BCAS3: variants seen among roughly 807,000 people sequenced by gnomAD.
BCAS3 encodes BCAS3 microtubule associated cell migration factor, also known as BCAS4/BCAS3 fusion.
In BCAS3, 53 loss-of-function variants were observed where a neutral mutation model predicts 116.1. The observed-to-expected ratio is 0.46, with a 90% CI of 0.37 to 0.57. BCAS3 has a LOEUF of 0.57. BCAS3 is among the 20% of genes least tolerant of loss of function. The pLI, the probability that BCAS3 is intolerant of heterozygous loss-of-function variation, is 0.00. For synonymous variants in BCAS3, 391 were observed against 408.2 expected (o/e 0.96, Z 0.51); for missense variants, 917 against 1,165.4 (o/e 0.79, Z 3.10).
intron 19 of BCAS3, among the ~76,000 whole-genome samples, chr17:61,057,704 C>T (rs1348094504): frequency 2.0e-5 from 3 of 151,016 alleles, no homozygotes; most frequent in Non-Finnish European, 4.4e-5. Context: ...TATGTAGCAA[C>T]AGGATTTTCT....
In BCAS3 at chr17:61,196,401, A is replaced by G. The variant is rs552431868; in HGVS notation, c.2425+111837A>G. Among the ~76,000 whole-genome samples the G allele has an allele frequency of 1.3e-5, 2 of 152,368 alleles. No homozygotes were observed. Among genetic ancestry groups the G allele is most frequent in the Non-Finnish European group, 2.9e-5 (2 of 68,032 alleles). On this transcript the variant is annotated intron_variant, in intron 22 of 23. Coordinates refer to ENST00000407086, the MANE Select transcript of BCAS3 (RefSeq NM_017679.5). This position sits in a 1 kb window ranked among gnomAD's most constrained non-coding sequence, Gnocchi z 4.7. ...GGGTCATTTCCAGTCTGTGGCCGCT[A>G]AAAATGAAAACCATGCCCCAGCCGG...
intron 5 of BCAS3, among the ~76,000 whole-genome samples, chr17:60,714,917 G>A (rs1262757689): frequency 6.6e-6 from 1 of 152,036 alleles, no homozygotes; most frequent in African/African-American, 2.4e-5. Context: ...ATGTAACATA[G>A]AATGATTGTT....
At chr17:61,331,570 A>G (rs757832394) in intron 22 of BCAS3, among the ~76,000 whole-genome samples, 2 of 152,134 alleles carry the variant, frequency 1.3e-5, no homozygotes, top group Non-Finnish European at 2.9e-5. Flanking sequence ...AAGTGGGAGG[A>G]TCACTTGAGC....
In BCAS3 at chr17:61,217,724, AC is replaced by A. The variant is rs1231412781; in HGVS notation, c.2425+133161del. Among the ~76,000 whole-genome samples the A allele has an allele frequency of 1.3e-5, 2 of 152,182 alleles. No individual in the cohort carries two copies. On this transcript the variant is annotated intron_variant, in intron 22 of 23. Coordinates refer to ENST00000407086, the MANE Select transcript of BCAS3 (RefSeq NM_017679.5). The surrounding 1 kb of genome is among the most constrained non-coding windows in gnomAD (Gnocchi z 5.2). ...TCTGACTAGTTGATTTTCTTGAGAA[AC>A]ATTATTCTTGATCCCGTAACATCCC...
chr17:60,764,337 C>T (rs1023853979), intron 6 of BCAS3, among the ~76,000 whole-genome samples: 1 of 152,152 alleles, frequency 6.6e-6, no homozygotes, highest in African/African-American at 2.4e-5. Context: ...GCATTTAGTG[C>T]TATAAATTTT....
At chr17:60,732,992 G>T (rs532679035) in intron 5 of BCAS3, among the ~76,000 whole-genome samples, 1 of 152,192 alleles carries the variant, frequency 6.6e-6, no homozygotes, top group East Asian at 1.9e-4. Context: ...TAACATTAAG[G>T]TAGAATAGTG....
chr17:61,339,226 C>T lies in BCAS3; in HGVS notation c.2426-29101C>T, dbSNP rs2056964087. On this transcript the variant is annotated intron_variant, in intron 22 of 23. Transcript: ENST00000407086. This position sits in a 1 kb window ranked among gnomAD's most constrained non-coding sequence, Gnocchi z 4.4. The stretch of plus-strand genomic sequence containing the variant: ...CTGACAGTGGCAGGCGCCACTTGCC[C>T]TTGGTCGGTTTTACTCCCTGCCCCT... 6.6e-6 allele frequency among the ~76,000 whole-genome samples: 1 copy of T among 152,174 alleles called. No individual in the cohort carries two copies. Among genetic ancestry groups the T allele is most frequent in the African/African-American group, 2.4e-5 (1 of 41,436 alleles).
chr17:60,684,164 T>G, intron 3 of BCAS3, 128 bp downstream of exon 3: 1 of 782,774 alleles, frequency 1.3e-6, no homozygotes, highest in Non-Finnish European at 2.1e-6. Context: ...TCCTGAGCAT[T>G]CGTAGGGTGG....
chr17:61,329,337 A>ATTTT (rs199782162), intron 22 of BCAS3, among the ~76,000 whole-genome samples: 35 of 106,210 alleles, frequency 3.3e-4, no homozygotes, highest in Non-Finnish European at 5.9e-4. Flanking sequence ...TATTATTATT[A>ATTTT]TTATTATTTT....
At chr17:61,230,959 CTTTTTTTTT>C (rs763299746) in intron 22 of BCAS3, among the ~76,000 whole-genome samples, 17 of 121,854 alleles carry the variant, frequency 1.4e-4, no homozygotes, top group Admixed American at 6.8e-4. Flanking sequence ...TAGTTTTTGC[CTTTTTTTTT>C]TTTTTTTTTT....
intron 22 of BCAS3, among the ~76,000 whole-genome samples, chr17:61,253,919 G>A (rs957905048): frequency 6.6e-6 from 1 of 152,044 alleles, no homozygotes; most frequent in African/African-American, 2.4e-5. Context: ...AGCCTTACTT[G>A]GTAATTGAGT....
chr17:60,859,582 T>TA (rs2053982008), intron 7 of BCAS3, among the ~76,000 whole-genome samples: 2 of 151,900 alleles, frequency 1.3e-5, no homozygotes, highest in Non-Finnish European at 2.9e-5. Context: ...ATTTTTTTTT[T>TA]TTTGAGATGG....
At chr17:61,303,174 T>A (rs989424464) in intron 22 of BCAS3, among the ~76,000 whole-genome samples, 1 of 152,224 alleles carries the variant, frequency 6.6e-6, no homozygotes, top group Non-Finnish European at 1.5e-5. Flanking sequence ...AATATTAGCA[T>A]GTCATCTCAT....
intron 22 of BCAS3, among the ~76,000 whole-genome samples, chr17:61,260,488 G>A (rs2049107801): frequency 6.6e-6 from 1 of 152,206 alleles, no homozygotes; most frequent in South Asian, 2.1e-4. Flanking sequence ...CCCTGCCACT[G>A]TTGTTTTCCT....
chr17:60,925,033 A>G (rs1344133385), intron 13 of BCAS3, among the ~76,000 whole-genome samples: 1 of 151,886 alleles, frequency 6.6e-6, no homozygotes, highest in African/African-American at 2.4e-5. Context: ...TATCCAGAGT[A>G]GTTGTCTTAT....
chr17:61,185,461 TG>T (rs965346696), intron 22 of BCAS3, among the ~76,000 whole-genome samples: 6 of 152,176 alleles, frequency 3.9e-5, no homozygotes, highest in Admixed American at 6.5e-5. Context: ...TCTACTATAT[TG>T]TCTTCCATGA....
chr17:60,719,576 ATG>A (rs2039021494), intron 5 of BCAS3, among the ~76,000 whole-genome samples: 1 of 152,234 alleles, frequency 6.6e-6, no homozygotes, highest in Non-Finnish European at 1.5e-5. Flanking sequence ...CTTTGTAGTC[ATG>A]AGAATAAGAT....
intron 23 of BCAS3, among the ~76,000 whole-genome samples, chr17:61,386,796 GTTTTTT>G (rs57275173): frequency 8.8e-6 from 1 of 113,836 alleles, no homozygotes; most frequent in African/African-American, 2.9e-5. Context: ...TTTGTTTTTT[GTTTTTT>G]TTTTTTTTTT....
At chr17:60,728,612 T>C (rs1158509645) in intron 5 of BCAS3, among the ~76,000 whole-genome samples, 1 of 152,068 alleles carries the variant, frequency 6.6e-6, no homozygotes, top group African/African-American at 2.4e-5. Flanking sequence ...CCCAAGTAGC[T>C]GGGATTACAG....
Sources: gnomAD v4.1 joint callset for allele counts (sites outside exome capture counted in the v4.1 genomes callset) on GRCh38, gnomAD v4.1.1 for gene constraint, Gnocchi (gnomAD v3.1) non-coding constraint, MANE v1.5 for transcripts, NCBI Gene and HGNC (gene_info 2026-07-23, HGNC 2026-07-21) for gene names.